CCDC93: variants seen among roughly 807,000 people sequenced by gnomAD.
The protein encoded by CCDC93 is coiled-coil domain-containing protein 93.
Under a neutral mutation model 108.2 loss-of-function variants are expected in CCDC93, and 61 were observed. That is an observed-to-expected ratio of 0.56 (90% CI 0.46 to 0.70). The LOEUF (loss-of-function observed/expected upper bound fraction) is 0.70, where lower values mean the gene tolerates loss of function less well. Among genes scored for constraint, CCDC93 ranks in the 30% least tolerant of loss-of-function variants. CCDC93 has a pLI of 0.00. For synonymous variants in CCDC93, 276 were observed against 260.4 expected, an observed-to-expected ratio of 1.06 and a Z score of -0.58; for missense variants, 685 against 764.2, an observed-to-expected ratio of 0.90 and a Z score of 1.22.
intron 11 of CCDC93, among the ~76,000 whole-genome samples, chr2:117,970,172 T>C (rs1031282262): frequency 2.0e-5 from 3 of 151,902 alleles, no homozygotes; most frequent in Non-Finnish European, 4.4e-5. Context: ...AAAATAGAAG[T>C]ATAAACCAAT....
chr2:118,013,885 C>A, intron 1 of CCDC93, 69 bp downstream of exon 1: 1 of 1,422,850 alleles, frequency 7.0e-7, no homozygotes, highest in Non-Finnish European at 9.5e-7. Context: ...CCCGCTCAGC[C>A]CGCCGCCCCG....
chr2:118,008,765 G>A, intron 1 of CCDC93, 107 bp from the exon 2 acceptor site: 1 of 683,926 alleles, frequency 1.5e-6, no homozygotes, highest in Non-Finnish European at 2.6e-6. Flanking sequence ...AGATGACATT[G>A]GCTACATCAC....
At chr2:117,959,018 G>C (rs1479175495) in intron 11 of CCDC93, among the ~76,000 whole-genome samples, 1 of 152,186 alleles carries the variant, frequency 6.6e-6, no homozygotes. Context: ...ATTGGAAAGG[G>C]ATTAAAGGTG....
chr2:117,933,964 T>C lies in CCDC93; in HGVS notation c.1728+1531A>G, dbSNP rs375052225. ...CTCTGCCCTGGGTGCCATTGACCCA[T>C]TTGGCACCCACCATGGAGGGGAGAG... On this transcript the variant is annotated intron_variant, in intron 22 of 23. Coordinates refer to ENST00000376300, the MANE Select transcript of CCDC93 (RefSeq NM_019044.5). 44 of 152,156 alleles carry C rather than the reference T, an allele frequency of 2.9e-4. No homozygotes were observed. The East Asian group carries it at 8.2e-3, about 28-fold the overall frequency. 9.4% of individuals were successfully genotyped at this position (152,156 alleles called of 1,614,324 possible).
chr2:117,955,127 A>T (rs1327228402), intron 12 of CCDC93, among the ~76,000 whole-genome samples: 1 of 152,204 alleles, frequency 6.6e-6, no homozygotes, highest in Non-Finnish European at 1.5e-5. Context: ...CTTCATAAGG[A>T]TGTTGTGCGA....
At chr2:117,975,650 A>T (rs1679920282) in intron 8 of CCDC93, among the ~76,000 whole-genome samples, 2 of 152,250 alleles carry the variant, frequency 1.3e-5, no homozygotes, top group Non-Finnish European at 1.5e-5. Flanking sequence ...TTAGTGGGAC[A>T]TAAAAGTAAT....
At chr2:118,005,922 T>G (rs988525430) in intron 3 of CCDC93, among the ~76,000 whole-genome samples, 2 of 152,162 alleles carry the variant, frequency 1.3e-5, no homozygotes, top group Non-Finnish European at 2.9e-5. Context: ...CCACCTCCAC[T>G]TGGCTGCCAG....
chr2:117,972,133 A>G (rs1457082436), intron 11 of CCDC93, among the ~76,000 whole-genome samples: 1 of 152,202 alleles, frequency 6.6e-6, no homozygotes, highest in African/African-American at 2.4e-5. Flanking sequence ...TGTAGTTTCC[A>G]TACACATCTG....
chr2:117,974,526 A>C (rs1679869734), intron 10 of CCDC93, among the ~76,000 whole-genome samples: 1 of 152,160 alleles, frequency 6.6e-6, no homozygotes, highest in Non-Finnish European at 1.5e-5. Flanking sequence ...TAGATAGTGT[A>C]GGAAGAAAGC....
intron 3 of CCDC93, among the ~76,000 whole-genome samples, chr2:118,001,531 C>T (rs11885415): frequency 0.094 from 14,160 of 151,380 alleles, 670 homozygotes; most frequent in South Asian, 0.15. Flanking sequence ...ACTGTATATC[C>T]TCACTCTCAT....
chr2:117,926,881 G>T (rs1424332780), intron 23 of CCDC93, among the ~76,000 whole-genome samples: 1 of 152,098 alleles, frequency 6.6e-6, no homozygotes, highest in Non-Finnish European at 1.5e-5. Context: ...TAAAATACTG[G>T]CAAACCGAAT....
chr2:118,007,990 A>T (rs1161355664), intron 2 of CCDC93, among the ~76,000 whole-genome samples: 1 of 152,088 alleles, frequency 6.6e-6, no homozygotes, highest in Non-Finnish European at 1.5e-5. Flanking sequence ...ATGTTGATTC[A>T]CTTGTCTCTC....
chr2:117,937,103 T>C (rs374119100), intron 20 of CCDC93, among the ~76,000 whole-genome samples: 3 of 152,244 alleles, frequency 2.0e-5, no homozygotes, highest in Non-Finnish European at 4.4e-5. Flanking sequence ...ACACTGCACT[T>C]TATTTTCAAG....
chr2:117,921,176 CAAAAAAAA>C (rs34197714), intron 23 of CCDC93, among the ~76,000 whole-genome samples: 1 of 76,020 alleles, frequency 1.3e-5, no homozygotes, highest in Admixed American at 1.4e-4. Flanking sequence ...GGCTCTGTCT[CAAAAAAAA>C]AAAAAAAAAA....
At chr2:117,999,769 G>A (rs1271506161) in intron 4 of CCDC93, 1 of 152,138 alleles carries the variant, frequency 6.6e-6, no homozygotes, top group Non-Finnish European at 1.5e-5. Context: ...TAAATGCTAT[G>A]TAAATAGTTA....
At chr2:117,968,768 G>A (rs189565290) in intron 11 of CCDC93, among the ~76,000 whole-genome samples, 40 of 151,850 alleles carry the variant, frequency 2.6e-4, no homozygotes, top group Middle Eastern at 3.4e-3. Context: ...GATCCTCCCC[G>A]CAAATTATCC....
intron 10 of CCDC93, 124 bp from the exon 11 acceptor site, chr2:117,974,118 T>C: frequency 2.7e-6 from 2 of 740,504 alleles, no homozygotes; most frequent in Non-Finnish European, 4.7e-6. Flanking sequence ...CCAGGGGAAA[T>C]AATTTGGCTT....
intron 12 of CCDC93, among the ~76,000 whole-genome samples, chr2:117,956,621 G>C (rs1030051193): frequency 3.9e-5 from 6 of 152,204 alleles, no homozygotes; most frequent in Non-Finnish European, 5.9e-5. Flanking sequence ...GGGGTCAGGA[G>C]TAGGGATGAT....
At chr2:117,944,812 G>A (rs1027112658) in intron 17 of CCDC93, 7 of 471,002 alleles carry the variant, frequency 1.5e-5, no homozygotes, top group Non-Finnish European at 2.6e-5. Flanking sequence ...GAGATTACGA[G>A]GGTACAAAGG....
Sources: gnomAD v4.1 joint callset for allele counts (sites outside exome capture counted in the v4.1 genomes callset) on GRCh38, gnomAD v4.1.1 for gene constraint, MANE v1.5 for transcripts, NCBI Gene and HGNC (gene_info 2026-07-23, HGNC 2026-07-21) for gene names.